The following RAB5A variants were observed in gnomAD, a reference collection of about 807,000 sequenced individuals.
The protein encoded by RAB5A is RAB5A, member RAS oncogene family.
A neutral mutation model predicts 25.7 loss-of-function variants in RAB5A; 8 were observed. That is an observed-to-expected ratio of 0.31 (90% confidence interval 0.18 to 0.56). The LOEUF (loss-of-function observed/expected upper bound fraction) is 0.56. RAB5A is among the 20% of genes least tolerant of loss of function. The probability of loss-of-function intolerance (pLI) is 0.91; values close to 1 mark genes in which losing one functional copy is unlikely to be tolerated. For synonymous variants in RAB5A, 98 were observed against 89.8 expected, an observed-to-expected ratio of 1.09 and a Z score of -0.52; for missense variants, 192 against 259.7, an observed-to-expected ratio of 0.74 and a Z score of 1.79.
intron 2 of RAB5A, among the ~76,000 whole-genome samples, chr3:19,961,837 AAT>A (rs1696589597): frequency 6.6e-6 from 1 of 152,228 alleles, no homozygotes; most frequent in Admixed American, 6.5e-5. Context: ...CAAAATTTGA[AAT>A]ATGTCAGATG....
intron 2 of RAB5A, among the ~76,000 whole-genome samples, chr3:19,966,527 C>CT (rs1454128533): frequency 6.6e-6 from 1 of 152,140 alleles, no homozygotes; most frequent in Non-Finnish European, 1.5e-5. Flanking sequence ...TAAGTTCCTG[C>CT]TTTCACTACT....
rs925919833 is a variant in RAB5A at position 19,966,436 on chromosome 3, C to T, written c.164-9165C>T. Among the ~76,000 whole-genome samples the T allele has an allele frequency of 3.9e-5, 6 of 152,120 alleles. No homozygotes were observed. The East Asian group carries it at 5.8e-4, about 15-fold the overall frequency. On this transcript the variant is annotated intron_variant, in intron 2 of 5. Transcript: ENST00000273047. ...ATGTATATACTTCATCTTGCTTGTC[C>T]ATCATTGGACACTTAGGTTGCTTTC...
At chr3:19,963,475 TC>T (rs1446098903) in intron 2 of RAB5A, among the ~76,000 whole-genome samples, 2 of 149,890 alleles carry the variant, frequency 1.3e-5, no homozygotes, top group Non-Finnish European at 3.0e-5. Flanking sequence ...AGAATTCTAA[TC>T]TTCATCCTTT....
At chr3:19,961,113 G>A (rs1219286327) in intron 2 of RAB5A, among the ~76,000 whole-genome samples, 2 of 152,082 alleles carry the variant, frequency 1.3e-5, no homozygotes, top group Non-Finnish European at 2.9e-5. Context: ...TGACTTCTAG[G>A]AAATAAAGGA....
At chr3:19,969,192 C>T (rs1372146681) in intron 2 of RAB5A, among the ~76,000 whole-genome samples, 1 of 151,540 alleles carries the variant, frequency 6.6e-6, no homozygotes, top group Non-Finnish European at 1.5e-5. Flanking sequence ...TTACAGGCGC[C>T]CACATCCACG....
chr3:19,982,473 A>G (rs781683418), intron 5 of RAB5A, among the ~76,000 whole-genome samples: 1 of 152,154 alleles, frequency 6.6e-6, no homozygotes, highest in African/African-American at 2.4e-5. Flanking sequence ...ATAATTGTTC[A>G]TTCTCAAAAA....
Position 19,947,215 on chromosome 3 carries a change from G to T in RAB5A, c.-400G>T. The stretch of plus-strand genomic sequence containing the variant: ...TGAAGGAGCCGGCGGCTGGCCTTAG[G>T]GGAGGAGGCAGAGGGAGGAGGAGGA... On this transcript the variant is annotated 5_prime_UTR_variant, in exon 1 of 6. Coordinates refer to ENST00000273047, the MANE Select transcript of RAB5A (RefSeq NM_004162.5). 5.9e-6 allele frequency: 1 copy of T among 168,412 alleles called. No homozygotes were observed. Among genetic ancestry groups the T allele is most frequent in the South Asian group, 1.3e-4 (1 of 7,584 alleles). 10.4% of individuals were successfully genotyped at this position (168,412 alleles called of 1,614,324 possible).
intron 2 of RAB5A, among the ~76,000 whole-genome samples, chr3:19,964,757 G>A (rs1330483501): frequency 2.6e-5 from 4 of 152,096 alleles, no homozygotes; most frequent in Non-Finnish European, 5.9e-5. Context: ...GACTACAGGC[G>A]CATGTCACCA....
At chr3:19,960,521 G>A (rs1020126777) in intron 2 of RAB5A, among the ~76,000 whole-genome samples, 23 of 152,030 alleles carry the variant, frequency 1.5e-4, no homozygotes, top group East Asian at 3.9e-4. Context: ...GGCTGGTCGC[G>A]AACTCCTGAG....
chr3:19,968,103 A>AT (rs142509602), intron 2 of RAB5A, among the ~76,000 whole-genome samples: 37 of 151,746 alleles, frequency 2.4e-4, no homozygotes, highest in Non-Finnish European at 4.3e-4. Context: ...TCTAACTTGA[A>AT]TTTTTTTTTA....
intron 2 of RAB5A, among the ~76,000 whole-genome samples, chr3:19,972,581 A>G (rs1327262511): frequency 6.6e-6 from 1 of 152,202 alleles, no homozygotes; most frequent in Admixed American, 6.5e-5. Flanking sequence ...TCCTAGATTT[A>G]GGAATGATGC....
At chr3:19,970,090 C>T (rs1311932641) in intron 2 of RAB5A, among the ~76,000 whole-genome samples, 1 of 145,918 alleles carries the variant, frequency 6.9e-6, no homozygotes, top group African/African-American at 2.5e-5. Context: ...TTAGTAGAGA[C>T]GGGTTTTCAC....
At chr3:19,975,447 C>A in intron 2 of RAB5A, 154 bp from the exon 3 acceptor site, 1 of 617,600 alleles carries the variant, frequency 1.6e-6, no homozygotes, top group Non-Finnish European at 2.6e-6. Context: ...TTTTTTTTCC[C>A]CCCTCATTTA....
In RAB5A at chr3:19,969,031, GTTTTTTTTTTT is replaced by G. The variant is rs1162365486; in HGVS notation, c.164-6568_164-6558del. On this transcript the variant is annotated intron_variant, in intron 2 of 5. Coordinates refer to ENST00000273047, the MANE Select transcript of RAB5A (RefSeq NM_004162.5). Reference sequence around the variant, plus strand: ...TGCAAATTGGTGTTTTTTGGTTTTGGTTTTTTTTTTTTGGTTTTTTTTTTTTTTTTGAGATG... The same window carrying G: ...TGCAAATTGGTGTTTTTTGGTTTTGGTGGTTTTTTTTTTTTTTTTGAGATG... Among the ~76,000 whole-genome samples the G allele has an allele frequency of 5.6e-4, 56 of 99,744 alleles. 3 individuals carry two copies. Among genetic ancestry groups the G allele is most frequent in the African/African-American group, 5.5e-4 (11 of 20,012 alleles). The allele number at this position is 99,744 out of a possible 152,430, so 65.4% of individuals were successfully genotyped here. A position where few individuals can be genotyped will look rare whatever the true frequency, so the allele number is the denominator to read the frequency against.
At chr3:19,977,158 C>T (rs929298349) in intron 4 of RAB5A, among the ~76,000 whole-genome samples, 2 of 131,946 alleles carry the variant, frequency 1.5e-5, no homozygotes, top group Non-Finnish European at 3.6e-5. Flanking sequence ...CTGCAAGCTC[C>T]ACCTCCTGGG....
At chr3:19,964,872 A>G (rs926740176) in intron 2 of RAB5A, among the ~76,000 whole-genome samples, 2 of 151,928 alleles carry the variant, frequency 1.3e-5, no homozygotes, top group African/African-American at 4.8e-5. Context: ...AAAATGCTAG[A>G]ATTACACAGA....
At chr3:19,978,981 TA>T (rs1247621621) in intron 5 of RAB5A, 1 of 146,660 alleles carries the variant, frequency 6.8e-6, no homozygotes, top group Non-Finnish European at 1.5e-5. Flanking sequence ...TGCTTTAAGG[TA>T]CTTTTTTTTT....
chr3:19,967,744 G>A (rs1347785243), intron 2 of RAB5A, among the ~76,000 whole-genome samples: 1 of 151,658 alleles, frequency 6.6e-6, no homozygotes, highest in Non-Finnish European at 1.5e-5. Context: ...TTTCCCTCCT[G>A]GGTGCTGAGT....
At chr3:19,954,766 C>T (rs561804632) in intron 2 of RAB5A, among the ~76,000 whole-genome samples, 5 of 152,024 alleles carry the variant, frequency 3.3e-5, no homozygotes, top group South Asian at 2.1e-4. Flanking sequence ...TACAGTGAGC[C>T]GAGACTGCAC....
Sources: gnomAD v4.1 joint callset for allele counts (sites outside exome capture counted in the v4.1 genomes callset) on GRCh38, gnomAD v4.1.1 for gene constraint, MANE v1.5 for transcripts, NCBI Gene and HGNC (gene_info 2026-07-23, HGNC 2026-07-21) for gene names.